The following NETO1 variants were observed in gnomAD, a reference collection of about 807,000 sequenced individuals.
The protein encoded by NETO1 is neuropilin and tolloid-like protein 1.
NETO1 carries 26 observed loss-of-function variants against 61.3 expected under a neutral mutation model. The observed-to-expected ratio is 0.42, with a 90% CI of 0.31 to 0.59. The LOEUF (loss-of-function observed/expected upper bound fraction) is 0.59, where lower values mean the gene tolerates loss of function less well. NETO1 is among the 20% of genes least tolerant of loss of function. The pLI is 0.12. For synonymous variants in NETO1, 225 were observed against 225.8 expected, an observed-to-expected ratio of 1.00 and a Z score of 0.03; for missense variants, 531 against 662.8, an observed-to-expected ratio of 0.80 and a Z score of 2.18.
chr18:72,794,364 TG>T lies in NETO1; in HGVS notation c.509del (p.Pro170GlnfsTer20). The T allele has an allele frequency of 6.2e-7, 1 of 1,612,796 alleles. No individual in the cohort carries two copies. The highest frequency in any genetic ancestry group is 8.5e-7 in the Non-Finnish European group (1 of 1,179,708). On this transcript the variant is annotated frameshift_variant and splice_region_variant, in exon 5 of 11. Coordinates refer to ENST00000327305, the MANE Select transcript of NETO1 (RefSeq NM_138966.5). LOFTEE classifies it high-confidence loss of function. The stretch of plus-strand genomic sequence containing the variant: ...GTATTAAATATCTATTTTACCAACC[TG>T]GTAATGGTTTCAAAGCTCCAAGGTC... ...FKDLGALKPL[P>X]ACEFEMGGSE...
At chr18:72,792,776 C>A (rs918839366) in intron 6 of NETO1, among the ~76,000 whole-genome samples, 1 of 151,980 alleles carries the variant, frequency 6.6e-6, no homozygotes, top group African/African-American at 2.4e-5. Flanking sequence ...GCAATCAACA[C>A]CACCTCTCAA....
chr18:72,792,463 T>C (rs1329043823), intron 6 of NETO1, among the ~76,000 whole-genome samples: 1 of 151,562 alleles, frequency 6.6e-6, no homozygotes, highest in Non-Finnish European at 1.5e-5. Flanking sequence ...GCGGAGGGGC[T>C]CTTCTTTTCC....
At chr18:72,768,079 A>G (rs190245197) in intron 7 of NETO1, among the ~76,000 whole-genome samples, 4 of 152,340 alleles carry the variant, frequency 2.6e-5, no homozygotes, top group Non-Finnish European at 4.4e-5. Context: ...GTGCTCTTAC[A>G]CATTGTAATT....
chr18:72,839,027 T>C (rs1182295147), intron 4 of NETO1, among the ~76,000 whole-genome samples: 1 of 152,224 alleles, frequency 6.6e-6, no homozygotes, highest in Non-Finnish European at 1.5e-5. Context: ...CCCGTTGTTA[T>C]TATTATTTTC....
chr18:72,757,851 C>T (rs1323300369), intron 7 of NETO1, among the ~76,000 whole-genome samples: 2 of 151,862 alleles, frequency 1.3e-5, no homozygotes, highest in African/African-American at 4.8e-5. Flanking sequence ...TTGTATGCAG[C>T]ATATAAAGGA....
intron 4 of NETO1, among the ~76,000 whole-genome samples, chr18:72,803,820 C>G (rs1239556526): frequency 6.8e-6 from 1 of 147,416 alleles, no homozygotes; most frequent in Non-Finnish European, 1.5e-5. Flanking sequence ...GAACTCCGTA[C>G]CAAAAAAAAA....
At chr18:72,780,965 C>T (rs2071715068) in intron 7 of NETO1, among the ~76,000 whole-genome samples, 1 of 152,028 alleles carries the variant, frequency 6.6e-6, no homozygotes, top group Non-Finnish European at 1.5e-5. Flanking sequence ...ATTGTTACTC[C>T]ACTAACTTTA....
At chr18:72,757,829 T>C (rs1010771985) in intron 7 of NETO1, among the ~76,000 whole-genome samples, 1 of 152,192 alleles carries the variant, frequency 6.6e-6, no homozygotes, top group Non-Finnish European at 1.5e-5. Context: ...AGATAGTGAA[T>C]GTTGTCAAAA....
chr18:72,816,187 G>A (rs2073028322), intron 4 of NETO1, among the ~76,000 whole-genome samples: 1 of 151,950 alleles, frequency 6.6e-6, no homozygotes, highest in Admixed American at 6.6e-5. Flanking sequence ...AGCTGAGTGT[G>A]GCCTTAAGAG....
intron 8 of NETO1, among the ~76,000 whole-genome samples, chr18:72,753,802 A>G (rs947908480): frequency 1.3e-5 from 2 of 152,188 alleles, no homozygotes; most frequent in East Asian, 3.9e-4. Context: ...AATATAGTAT[A>G]AACAAGGTGG....
intron 7 of NETO1, among the ~76,000 whole-genome samples, chr18:72,768,388 C>T (rs1349928291): frequency 6.6e-6 from 1 of 152,030 alleles, no homozygotes; most frequent in Non-Finnish European, 1.5e-5. Flanking sequence ...GCCTTAAAGT[C>T]AACTTAATAA....
chr18:72,851,582 G>A (rs17734170), intron 4 of NETO1, among the ~76,000 whole-genome samples: 25,902 of 152,096 alleles, frequency 0.17, 2,984 homozygotes, highest in Middle Eastern at 0.28. Context: ...GAGAAGAACA[G>A]GAAATGAATC....
At chr18:72,812,055 T>G (rs538204651) in intron 4 of NETO1, among the ~76,000 whole-genome samples, 24 of 152,348 alleles carry the variant, frequency 1.6e-4, no homozygotes, top group South Asian at 1.5e-3. Flanking sequence ...GTAAGTGTGA[T>G]GCTAACATCT....
intron 7 of NETO1, among the ~76,000 whole-genome samples, chr18:72,762,214 G>A (rs2070999060): frequency 6.6e-6 from 1 of 151,094 alleles, no homozygotes; most frequent in South Asian, 2.1e-4. Context: ...AGGCTGGAGT[G>A]CAATGGCGCG....
At chr18:72,798,428 C>G (rs2072393058) in intron 4 of NETO1, among the ~76,000 whole-genome samples, 1 of 152,188 alleles carries the variant, frequency 6.6e-6, no homozygotes, top group South Asian at 2.1e-4. Context: ...ATAAAGCAAT[C>G]ACTTCCAGAT....
chr18:72,777,729 C>A (rs185024244), intron 7 of NETO1, among the ~76,000 whole-genome samples: 1 of 152,144 alleles, frequency 6.6e-6, no homozygotes, highest in Non-Finnish European at 1.5e-5. Context: ...GGGGACAGAA[C>A]GAGACTCCAT....
chr18:72,819,191 C>T (rs2145277138), intron 4 of NETO1, among the ~76,000 whole-genome samples: 1 of 152,118 alleles, frequency 6.6e-6, no homozygotes, highest in Non-Finnish European at 1.5e-5. Context: ...TTCCTTCCAC[C>T]TTAGTTTAGG....
rs972940636 is a variant in NETO1, at chr18:72,747,207, A to G, written c.*972T>C. 5 of 151,994 alleles carry G rather than the reference A, an allele frequency of 3.3e-5. No individual in the cohort carries two copies. Among genetic ancestry groups the G allele is most frequent in the Non-Finnish European group, 5.9e-5 (4 of 67,942 alleles). 9.4% of individuals were successfully genotyped at this position (151,994 alleles called of 1,614,324 possible). On this transcript the variant is annotated 3_prime_UTR_variant, in exon 11 of 11. Coordinates refer to ENST00000327305, the MANE Select transcript of NETO1 (RefSeq NM_138966.5). The stretch of plus-strand genomic sequence containing the variant: ...TTTAATCACTCTAATGGAAGAAAAC[A>G]TTTCTCTTAACTCAAATTAGGAAAT...
chr18:72,748,694 G>A (rs1453240665), intron 10 of NETO1, among the ~76,000 whole-genome samples: 1 of 151,758 alleles, frequency 6.6e-6, no homozygotes, highest in East Asian at 1.9e-4. Flanking sequence ...GGTTTTTTTC[G>A]AGTATTTCTT....
Sources: allele counts gnomAD v4.1 joint callset (sites outside exome capture counted in the v4.1 genomes callset), GRCh38; gene constraint gnomAD v4.1.1; transcripts MANE v1.5; gene names NCBI Gene and HGNC (gene_info 2026-07-23, HGNC 2026-07-21).